Variants in VIRMA observed in about 807,000 individuals in gnomAD.
The protein encoded by VIRMA is protein virilizer homolog.
VIRMA carries 65 observed loss-of-function variants against 182.4 expected under a neutral mutation model. The observed-to-expected ratio is 0.36, with a 90% CI of 0.29 to 0.44. The LOEUF (loss-of-function observed/expected upper bound fraction) is 0.44. Ranked by LOEUF, VIRMA falls within the 20% of genes least tolerant of loss-of-function variation. The pLI is 1.00. For synonymous variants in VIRMA, 709 were observed against 743.1 expected (o/e 0.95, Z 0.75); for missense variants, 1,752 against 2,158.1 (o/e 0.81, Z 3.73).
intron 8 of VIRMA, among the ~76,000 whole-genome samples, chr8:94,521,898 C>A (rs1164176382): frequency 6.6e-6 from 1 of 152,190 alleles, no homozygotes; most frequent in Non-Finnish European, 1.5e-5. Flanking sequence ...GTTAAAATAG[C>A]AAGCCTCAGA....
rs368137770 is a variant in VIRMA, at chr8:94,493,825, TATA to T, written c.4642-1010_4642-1008del. ...GATAAAGAAAAGGAACAATGTACTG[TATA>T]ATAAGATGTGGCTAAAATAATTCGC... is the stretch of plus-strand genomic sequence containing the variant. On this transcript the variant is annotated intron_variant, in intron 20 of 23. Coordinates refer to ENST00000297591, the MANE Select transcript of VIRMA (RefSeq NM_015496.5). 2.0e-3 allele frequency among the ~76,000 whole-genome samples: 308 copies of T among 152,326 alleles called. 2 individuals carry two copies. Among genetic ancestry groups the T allele is most frequent in the East Asian group, 9.6e-3 (50 of 5,192 alleles).
chr8:94,544,305 C>T (rs1260102044), intron 1 of VIRMA, among the ~76,000 whole-genome samples: 2 of 152,110 alleles, frequency 1.3e-5, no homozygotes, highest in Non-Finnish European at 2.9e-5. Context: ...TTTAGACCCC[C>T]AGTGGCTTCT....
At chr8:94,495,962 G>A (rs1044215155) in intron 18 of VIRMA, 71 bp from the exon 19 acceptor site, 39 of 1,350,662 alleles carry the variant, frequency 2.9e-5, no homozygotes, top group Non-Finnish European at 3.4e-5. Flanking sequence ...TGACTCTTTC[G>A]TAGAAAAGGC....
intron 6 of VIRMA, among the ~76,000 whole-genome samples, chr8:94,530,150 T>C (rs1815115356): frequency 6.6e-6 from 1 of 152,152 alleles, no homozygotes; most frequent in African/African-American, 2.4e-5. Flanking sequence ...ACTAACACTT[T>C]ATTTTGGCAC....
At position 94,488,822 on chromosome 8, in the gene VIRMA, G is replaced by T; in HGVS notation, c.5323C>A (p.Arg1775Ser). The T allele has an allele frequency of 6.2e-7, 1 of 1,614,106 alleles. No homozygotes were observed. Among genetic ancestry groups the T allele is most frequent in the Non-Finnish European group, 8.5e-7 (1 of 1,180,006 alleles). Residue 1775 changes from arginine to serine, a missense_variant, in exon 24 of 24, where the codon CGT becomes AGT. Arg to Ser is a moderately radical substitution (Grantham distance 110, BLOSUM62 -1). Transcript: ENST00000297591. Reference sequence around the variant, plus strand: ...GCCCAGGAAGGTCCAAGTCCCCCACGACCTCTAGAAGCACGGTCCCGAGGA... The same window carrying T: ...GCCCAGGAAGGTCCAAGTCCCCCACTACCTCTAGAAGCACGGTCCCGAGGA... The part of the protein sequence containing the change: ...PSPRDRASRG[R>S]GGLGPSWASA...
At chr8:94,540,559 G>A (rs1815512666) in intron 2 of VIRMA, among the ~76,000 whole-genome samples, 1 of 149,792 alleles carries the variant, frequency 6.7e-6, no homozygotes, top group African/African-American at 2.5e-5. Flanking sequence ...CCGCCTCTCA[G>A]GTTCAAGTGA....
At chr8:94,534,796 C>G (rs1815282619) in intron 5 of VIRMA, 43 bp downstream of exon 5, 1 of 1,580,144 alleles carries the variant, frequency 6.3e-7, no homozygotes, top group Non-Finnish European at 8.6e-7. Context: ...TTTTAAACCA[C>G]GGATATAAGT....
intron 17 of VIRMA, chr8:94,498,981 T>G (rs1813879422): frequency 6.5e-6 from 1 of 152,826 alleles, no homozygotes. Context: ...CTCAGGAGAC[T>G]GAGGCAGGAG....
chr8:94,534,929 T>C lies in VIRMA; in HGVS notation c.394A>G (p.Ile132Val). 7 of 1,614,022 alleles carry C rather than the reference T, an allele frequency of 4.3e-6. No individual in the cohort carries two copies. The highest frequency in any genetic ancestry group is 1.1e-5 in the South Asian group (1 of 91,070). Residue 132 changes from isoleucine to valine, a missense_variant, in exon 5 of 24, where the codon ATA (isoleucine) becomes GTA (valine). Around this residue, in one of 11 missense-constraint regions of VIRMA, gnomAD observed 195 missense variants for 191.7 expected, o/e 1.02. Transcript: ENST00000297591. ...LAIYGSVDRV[I>V]SHDRDSPPPP... is the part of the protein sequence containing the mutation. ...GGTGGAGAGTCTCTGTCATGACTTATCACTCTATCCACTGATCCATATATT... is the reference window on the plus strand; with the variant it reads ...GGTGGAGAGTCTCTGTCATGACTTACCACTCTATCCACTGATCCATATATT...
At chr8:94,531,477 G>A (rs1428008402) in intron 5 of VIRMA, among the ~76,000 whole-genome samples, 1 of 152,056 alleles carries the variant, frequency 6.6e-6, no homozygotes, top group Non-Finnish European at 1.5e-5. Context: ...CAGAAATTTT[G>A]CTAATTAATC....
rs768572460 is a variant in VIRMA, at chr8:94,488,838, G to T, written c.5307C>A (p.Asp1769Glu). The T allele has an allele frequency of 5.0e-6, 8 of 1,614,038 alleles. No individual in the cohort carries two copies. In the South Asian group the frequency reaches 7.7e-5, roughly 16 times the overall value. The change falls in exon 24 of 24, where the codon GAC becomes GAA. Residue 1769 changes from aspartate to glutamate, a missense_variant. Physicochemically the swap from Asp to Glu is conservative, Grantham distance 45. Coordinates refer to ENST00000297591, the MANE Select transcript of VIRMA (RefSeq NM_015496.5). ...GTCCCCCACGACCTCTAGAAGCACG[G>T]TCCCGAGGACTTGGGCGGTAACCTG... ...SSTGYRPSPR[D>E]RASRGRGGLG... is the part of the protein sequence containing the mutation.
At chr8:94,535,343 A>T (rs1480152574) in intron 4 of VIRMA, among the ~76,000 whole-genome samples, 2 of 152,180 alleles carry the variant, frequency 1.3e-5, no homozygotes, top group African/African-American at 4.8e-5. Context: ...TTAAACCCCA[A>T]TAGGTACAGG....
chr8:94,524,470 A>C (rs183862091), intron 8 of VIRMA, among the ~76,000 whole-genome samples: 1 of 146,532 alleles, frequency 6.8e-6, no homozygotes, highest in Admixed American at 6.8e-5. Flanking sequence ...ACACCCGACT[A>C]ATTTTTGTAT....
intron 20 of VIRMA, among the ~76,000 whole-genome samples, chr8:94,494,292 A>C (rs944386483): frequency 6.6e-6 from 1 of 151,868 alleles, no homozygotes; most frequent in Non-Finnish European, 1.5e-5. Context: ...ATCTATATTA[A>C]AAAAAAATTT....
At chr8:94,552,670 G>A (rs183727323) in intron 1 of VIRMA, among the ~76,000 whole-genome samples, 2 of 152,102 alleles carry the variant, frequency 1.3e-5, no homozygotes, top group East Asian at 3.9e-4. Flanking sequence ...ACATATTGCA[G>A]GGCCAATTGT....
At position 94,517,924 on chromosome 8, in the gene VIRMA, C is replaced by T; in HGVS notation, c.2532G>A (p.Lys844=). 6.2e-7 allele frequency: 1 copy of T among 1,611,428 alleles called. No homozygotes were observed. Among genetic ancestry groups the T allele is most frequent in the South Asian group, 1.1e-5 (1 of 90,550 alleles). ...KEALGDSKSK[K]SVAYNYACIL... is the part of the protein sequence containing the mutation. ...TGCATGCGTAATTATAAGCTACTGACTTCTTAGATTTGGAATCACTGAAAC... is the reference window on the plus strand; with the variant it reads ...TGCATGCGTAATTATAAGCTACTGATTTCTTAGATTTGGAATCACTGAAAC... The change falls in exon 10 of 24, where the codon AAG becomes AAA. Residue 844 remains lysine, a synonymous_variant. Transcript: ENST00000297591.
chr8:94,502,133 T>C (rs1430607989), intron 16 of VIRMA, among the ~76,000 whole-genome samples: 1 of 152,224 alleles, frequency 6.6e-6, no homozygotes, highest in Non-Finnish European at 1.5e-5. Context: ...CATATATGTT[T>C]AGGATTGTAA....
intron 6 of VIRMA, 97 bp from the exon 7 acceptor site, chr8:94,529,439 T>C: frequency 1.5e-6 from 1 of 648,796 alleles, no homozygotes; most frequent in Non-Finnish European, 2.7e-6. Flanking sequence ...TTTTGGTTGA[T>C]ATAGTTTATA....
At chr8:94,490,242 G>C in intron 22 of VIRMA, 160 bp from the exon 23 acceptor site, 2 of 703,694 alleles carry the variant, frequency 2.8e-6, no homozygotes, top group Non-Finnish European at 2.2e-6. Flanking sequence ...GTTAAGAGCA[G>C]AGGCTCTAGA....
Sources: allele counts gnomAD v4.1 joint callset (sites outside exome capture counted in the v4.1 genomes callset), GRCh38; gene constraint gnomAD v4.1.1; regional missense constraint gnomAD v4.1.1; transcripts MANE v1.5; gene names NCBI Gene and HGNC (gene_info 2026-07-23, HGNC 2026-07-21).